The following IGF2R variants were observed in gnomAD, a reference collection of about 807,000 sequenced individuals.
The protein encoded by IGF2R is insulin like growth factor 2 receptor.
Under a neutral mutation model 270.6 loss-of-function variants are expected in IGF2R, and 91 were observed. The ratio of observed to expected loss-of-function variants is 0.34; its 90% CI spans 0.28 to 0.40. The LOEUF is 0.40. Among genes scored for constraint, IGF2R ranks in the 10% least tolerant of loss-of-function variants. The pLI is 1.00. For synonymous variants in IGF2R, 1,316 were observed against 1,258.9 expected, an observed-to-expected ratio of 1.05 and a Z score of -0.96; for missense variants, 2,805 against 3,188.3, an observed-to-expected ratio of 0.88 and a Z score of 2.90.
At chr6:160,079,992 G>A in intron 38 of IGF2R, 137 bp from the exon 39 acceptor site, 2 of 1,144,684 alleles carry the variant, frequency 1.7e-6, no homozygotes, top group East Asian at 4.7e-5. Context: ...TGCCTGGTGA[G>A]TTTTGGCAGG....
chr6:160,048,254 G>A, intron 17 of IGF2R, 121 bp from the exon 18 acceptor site: 2 of 942,408 alleles, frequency 2.1e-6, no homozygotes, highest in Non-Finnish European at 1.7e-6. Context: ...CCAACTCCTG[G>A]TAGTGTGATT....
chr6:160,082,636 T>C (rs1327454550), intron 39 of IGF2R, among the ~76,000 whole-genome samples: 1 of 152,006 alleles, frequency 6.6e-6, no homozygotes, highest in East Asian at 1.9e-4. Context: ...TGATCATTAG[T>C]AGATTGGTCA....
chr6:160,052,421 A>G (rs1778220017), intron 19 of IGF2R, among the ~76,000 whole-genome samples: 1 of 152,228 alleles, frequency 6.6e-6, no homozygotes, highest in Admixed American at 6.5e-5. Flanking sequence ...CCACTGCTCA[A>G]GGAAATAAAA....
Position 160,105,937 on chromosome 6 carries a change from GT to G in IGF2R, c.*854del, listed in dbSNP as rs34568168. The G allele has an allele frequency of 6.6e-6, 1 of 150,526 alleles. No individual in the cohort carries two copies. The highest frequency in any genetic ancestry group is 2.5e-5 in the African/African-American group (1 of 39,736). 9.3% of individuals were successfully genotyped at this position (150,526 alleles called of 1,614,324 possible). ...TGTGTGTGTGTGTGTGTGTGTGTGT[GT>G]GAGTGGAGTTGAGGTGTCAGAGAAA... On this transcript the variant is annotated 3_prime_UTR_variant, in exon 48 of 48. Transcript: ENST00000356956.
At chr6:160,074,202 C>T (rs989048389) in intron 35 of IGF2R, 11 of 557,656 alleles carry the variant, frequency 2.0e-5, no homozygotes, top group South Asian at 1.0e-4. Flanking sequence ...GGAGGTAACA[C>T]GAATATGTGT....
intron 4 of IGF2R, among the ~76,000 whole-genome samples, chr6:160,011,814 G>A (rs1302604003): frequency 2.0e-5 from 3 of 151,818 alleles, no homozygotes; most frequent in African/African-American, 7.3e-5. Flanking sequence ...GATCCTAAAG[G>A]GAATTTCCTG....
Position 160,065,233 on chromosome 6 carries a change from C to T in IGF2R, c.4115+332C>T, listed in dbSNP as rs577950898. On this transcript the variant is annotated intron_variant, in intron 29 of 47. Coordinates refer to ENST00000356956, the MANE Select transcript of IGF2R (RefSeq NM_000876.4). ...AAGGGAGGTCTTCGTTGCATGTGAT[C>T]GTCCACAGAGCTGCTCTCAACAGCT... 4.0e-3 allele frequency among the ~76,000 whole-genome samples: 612 copies of T among 152,288 alleles called. 3 individuals are homozygous for T. Among genetic ancestry groups the T allele is most frequent in the African/African-American group, 0.013 (525 of 41,550 alleles).
chr6:160,009,486 T>C (rs2115204291), intron 3 of IGF2R, among the ~76,000 whole-genome samples: 1 of 152,306 alleles, frequency 6.6e-6, no homozygotes, highest in South Asian at 2.1e-4. Flanking sequence ...GGGCAGCATA[T>C]TTAGTTTTTT....
chr6:160,070,957 G>C (rs1778708829), intron 31 of IGF2R, among the ~76,000 whole-genome samples: 1 of 152,240 alleles, frequency 6.6e-6, no homozygotes. Flanking sequence ...TGTGACCTGA[G>C]AGGCTCATGG....
intron 6 of IGF2R, 136 bp downstream of exon 6, chr6:160,027,450 A>C (rs1777587491): frequency 2.0e-6 from 2 of 1,015,110 alleles, no homozygotes; most frequent in Non-Finnish European, 2.8e-6. Flanking sequence ...ATGTACTTGT[A>C]AGATTGTTGG....
chr6:159,969,956 A>ATTT (rs201922336), intron 1 of IGF2R, among the ~76,000 whole-genome samples: 1 of 151,304 alleles, frequency 6.6e-6, no homozygotes, highest in Non-Finnish European at 1.5e-5. Context: ...ATATATATAT[A>ATTT]TTTTTAGCAG....
chr6:159,975,497 C>T (rs1483278352), intron 1 of IGF2R, among the ~76,000 whole-genome samples: 2 of 151,662 alleles, frequency 1.3e-5, no homozygotes, highest in Non-Finnish European at 2.9e-5. Flanking sequence ...ATCTTAAGAC[C>T]CACAGTCCAA....
intron 35 of IGF2R, 189 bp downstream of exon 35, chr6:160,074,164 G>C: frequency 3.4e-6 from 2 of 587,092 alleles, no homozygotes; most frequent in Non-Finnish European, 6.1e-6. Context: ...GTTCGCTGAT[G>C]ATGGTAGCCA....
At position 160,021,614 on chromosome 6, in the gene IGF2R, A is replaced by T. The variant is rs1777436768; in HGVS notation, c.514-2958A>T. ...GTAATAATAATAAAATTAAAAAAAA[A>T]AGTTTAGGAAAAAAAAAATAAACTG... On this transcript the variant is annotated intron_variant, in intron 4 of 47. Transcript: ENST00000356956. Among the ~76,000 whole-genome samples, 3 of 152,186 alleles carry T rather than the reference A, an allele frequency of 2.0e-5. No individual in the cohort carries two copies. In the South Asian group the frequency reaches 6.2e-4, roughly 32 times the overall value.
At chr6:160,054,882 A>C (rs762535545) in intron 19 of IGF2R, among the ~76,000 whole-genome samples, 55 of 152,302 alleles carry the variant, frequency 3.6e-4, no homozygotes, top group Non-Finnish European at 6.3e-4. Context: ...CAGCTTCCTC[A>C]AGCCCCACTG....
At chr6:160,047,377 C>T (rs753582141) in intron 16 of IGF2R, 41 bp downstream of exon 16, 10 of 1,494,634 alleles carry the variant, frequency 6.7e-6, no homozygotes, top group African/African-American at 1.4e-5. Context: ...TGAGGATACT[C>T]ATGCCTGTGG....
At chr6:160,093,661 A>G in intron 44 of IGF2R, 1 of 747,190 alleles carries the variant, frequency 1.3e-6, no homozygotes, top group Non-Finnish European at 2.5e-6. Flanking sequence ...GATTCCTGCA[A>G]ACTCTGGCTC....
In IGF2R at chr6:160,105,692, GCACA is replaced by G. The variant is rs8191960; in HGVS notation, c.*614_*617del. ...CTCTTTTGCTTTCTGTTTCTTAAGG[GCACA>G]CACACGTGCGTGCGAGCACACACAC... On this transcript the variant is annotated 3_prime_UTR_variant, in exon 48 of 48. Coordinates refer to ENST00000356956, the MANE Select transcript of IGF2R (RefSeq NM_000876.4). The G allele has an allele frequency of 0.032, 4,878 of 153,030 alleles. 139 individuals are homozygous for G. The highest frequency in any genetic ancestry group is 0.11 in the East Asian group (571 of 5,174). The allele number at this position is 153,030 out of a possible 1,614,324, so 9.5% of individuals were successfully genotyped here.
At chr6:160,009,713 C>T (rs1201381390) in intron 3 of IGF2R, among the ~76,000 whole-genome samples, 1 of 152,104 alleles carries the variant, frequency 6.6e-6, no homozygotes, top group African/African-American at 2.4e-5. Flanking sequence ...AAGGAACTTG[C>T]AGTAAATAAT....
Sources: allele counts gnomAD v4.1 joint callset (sites outside exome capture counted in the v4.1 genomes callset), GRCh38; gene constraint gnomAD v4.1.1; transcripts MANE v1.5; gene names NCBI Gene and HGNC (gene_info 2026-07-23, HGNC 2026-07-21).